Variants in CADM2 observed in about 807,000 individuals in gnomAD.
The protein encoded by CADM2 is cell adhesion molecule 2.
In CADM2, 12 loss-of-function variants were observed where a neutral mutation model predicts 49.8. The observed-to-expected ratio is 0.24, with a 90% CI of 0.15 to 0.39. The LOEUF (loss-of-function observed/expected upper bound fraction) is 0.39, where lower values mean the gene tolerates loss of function less well. Among genes scored for constraint, CADM2 ranks in the 10% least tolerant of loss-of-function variants. The pLI is 1.00. For missense variants in CADM2, 378 were observed against 492.3 expected (o/e 0.77, Z 2.20); for synonymous variants, 214 against 175.4 (o/e 1.22, Z -1.74).
At chr3:85,869,990 T>A (rs570288692) in intron 3 of CADM2, among the ~76,000 whole-genome samples, 2 of 152,302 alleles carry the variant, frequency 1.3e-5, no homozygotes, top group Admixed American at 6.5e-5. Context: ...TTGTGAGTTC[T>A]GAACCTTCTC....
At chr3:85,345,703 G>A (rs1334578423) in intron 1 of CADM2, among the ~76,000 whole-genome samples, 4 of 152,188 alleles carry the variant, frequency 2.6e-5, no homozygotes, top group Admixed American at 6.5e-5. Flanking sequence ...TGCAAAGCAC[G>A]ATTGGGTTGG....
intron 1 of CADM2, among the ~76,000 whole-genome samples, chr3:85,550,175 G>A (rs62253966): frequency 0.51 from 77,941 of 151,962 alleles, 23,066 homozygotes; most frequent in East Asian, 0.85. Context: ...CTGCCCCTGC[G>A]TTTCTGCTCT....
chr3:85,754,347 G>A (rs2107872870), intron 2 of CADM2, among the ~76,000 whole-genome samples: 1 of 152,156 alleles, frequency 6.6e-6, no homozygotes, highest in East Asian at 1.9e-4. Context: ...ATCACCTGAT[G>A]GTTGCCTGAC....
intron 2 of CADM2, among the ~76,000 whole-genome samples, chr3:85,729,962 G>A (rs2067860974): frequency 6.6e-6 from 1 of 151,820 alleles, no homozygotes; most frequent in African/African-American, 2.4e-5. Flanking sequence ...TACTTATTTT[G>A]TAACTAAGAA....
chr3:85,512,781 T>A (rs975581447), intron 1 of CADM2, among the ~76,000 whole-genome samples: 7 of 115,592 alleles, frequency 6.1e-5, no homozygotes, highest in African/African-American at 1.8e-4. Context: ...ACAGAAAAAA[T>A]TGAGGACTAT....
intron 1 of CADM2, among the ~76,000 whole-genome samples, chr3:85,085,012 A>G (rs2037316143): frequency 6.6e-6 from 1 of 152,112 alleles, no homozygotes; most frequent in African/African-American, 2.4e-5. Context: ...TTACCTCATG[A>G]AATTATTAAA....
At chr3:84,992,090 T>C (rs1487057312) in intron 1 of CADM2, among the ~76,000 whole-genome samples, 1 of 152,130 alleles carries the variant, frequency 6.6e-6, no homozygotes, top group Non-Finnish European at 1.5e-5. Flanking sequence ...CATTATACAT[T>C]TGTCCAGACT....
At chr3:85,124,407 C>T (rs2038961184) in intron 1 of CADM2, among the ~76,000 whole-genome samples, 1 of 151,986 alleles carries the variant, frequency 6.6e-6, no homozygotes, top group Admixed American at 6.6e-5. Context: ...AGTTCAAGAT[C>T]AGCGAGACAA....
chr3:85,083,167 C>A (rs1023094147), intron 1 of CADM2, among the ~76,000 whole-genome samples: 2 of 151,908 alleles, frequency 1.3e-5, no homozygotes, highest in African/African-American at 4.8e-5. Context: ...ATACATATAT[C>A]ATGTCTGTCC....
chr3:85,581,823 C>G (rs1190903350), intron 1 of CADM2, among the ~76,000 whole-genome samples: 1 of 147,984 alleles, frequency 6.8e-6, no homozygotes, highest in East Asian at 2.0e-4. Context: ...AGTATTTATA[C>G]TTCAAAAAAA....
At chr3:85,535,232 T>C (rs2061398830) in intron 1 of CADM2, among the ~76,000 whole-genome samples, 1 of 152,162 alleles carries the variant, frequency 6.6e-6, no homozygotes, top group South Asian at 2.1e-4. Context: ...ACACCAGTTA[T>C]AACAAAACAA....
chr3:84,959,115 A>G lies in CADM2; in HGVS notation c.-493A>G. On this transcript the variant is annotated 5_prime_UTR_variant, in exon 1 of 10. Transcript: ENST00000383699. The stretch of plus-strand genomic sequence containing the variant: ...CACTAGCGCTGCTTCCACTGCTTCT[A>G]CCTCCCCTCCCAGGACCCCGAGACA... The G allele has an allele frequency of 1.1e-5, 2 of 186,924 alleles. No individual in the cohort carries two copies. The highest frequency in any genetic ancestry group is 7.4e-5 in the South Asian group (1 of 13,466). 11.6% of individuals were successfully genotyped at this position (186,924 alleles called of 1,614,324 possible). A position where few individuals can be genotyped will look rare whatever the true frequency, so the allele number is the denominator to read the frequency against.
chr3:85,696,506 C>T (rs538155403), intron 1 of CADM2, among the ~76,000 whole-genome samples: 26 of 152,092 alleles, frequency 1.7e-4, no homozygotes, highest in Middle Eastern at 3.4e-3. Context: ...TTTCCCAGGA[C>T]CATTTATCGA....
At chr3:86,041,125 A>T (rs1008714213) in intron 8 of CADM2, among the ~76,000 whole-genome samples, 4 of 152,218 alleles carry the variant, frequency 2.6e-5, no homozygotes, top group African/African-American at 9.6e-5. Flanking sequence ...CACTGCAAAA[A>T]CATGCCAAAT....
At chr3:85,882,754 C>T (rs537648033) in intron 3 of CADM2, among the ~76,000 whole-genome samples, 1 of 152,262 alleles carries the variant, frequency 6.6e-6, no homozygotes, top group South Asian at 2.1e-4. Flanking sequence ...GTGGCACCAA[C>T]CAATCAGAGC....
chr3:85,783,614 C>T (rs1033684759), intron 2 of CADM2, among the ~76,000 whole-genome samples: 3 of 152,078 alleles, frequency 2.0e-5, no homozygotes, highest in East Asian at 1.9e-4. Flanking sequence ...AAGAAAAAAA[C>T]GAAAGAAGTG....
intron 1 of CADM2, among the ~76,000 whole-genome samples, chr3:85,621,930 C>T (rs2063989259): frequency 6.6e-6 from 1 of 152,106 alleles, no homozygotes; most frequent in Non-Finnish European, 1.5e-5. Flanking sequence ...TAATTCCCCG[C>T]TTGAATTCCA....
At chr3:85,278,834 T>C (rs986464453) in intron 1 of CADM2, among the ~76,000 whole-genome samples, 3 of 151,410 alleles carry the variant, frequency 2.0e-5, no homozygotes, top group Middle Eastern at 3.4e-3. Flanking sequence ...ATAAAAGATA[T>C]ACATTTTATA....
intron 1 of CADM2, among the ~76,000 whole-genome samples, chr3:85,038,541 T>G (rs2035309933): frequency 6.6e-6 from 1 of 152,172 alleles, no homozygotes; most frequent in Admixed American, 6.5e-5. Context: ...GCATCTACAT[T>G]TTTTATATCA....
Sources: allele counts gnomAD v4.1 joint callset (sites outside exome capture counted in the v4.1 genomes callset), GRCh38; gene constraint gnomAD v4.1.1; transcripts MANE v1.5; gene names NCBI Gene and HGNC (gene_info 2026-07-23, HGNC 2026-07-21).